COL25A1: variants seen among roughly 807,000 people sequenced by gnomAD.
COL25A1 encodes the protein collagen type XXV alpha 1 chain.
In COL25A1, 103 loss-of-function variants were observed where a neutral mutation model predicts 128.4. That is an observed-to-expected ratio of 0.80 (90% CI 0.68 to 0.94). The LOEUF (loss-of-function observed/expected upper bound fraction) is 0.94. COL25A1 is among the 40% of genes least tolerant of loss of function. The pLI, the probability that COL25A1 is intolerant of heterozygous loss-of-function variation, is 0.00. For missense variants in COL25A1, 745 were observed against 840.0 expected (o/e 0.89, Z 1.40); for synonymous variants, 279 against 277.2 (o/e 1.01, Z -0.06).
intron 3 of COL25A1, among the ~76,000 whole-genome samples, chr4:109,158,684 T>C (rs968384579): frequency 6.6e-6 from 1 of 152,226 alleles, no homozygotes; most frequent in African/African-American, 2.4e-5. Context: ...GCTATGTACA[T>C]GGTACTGTGC....
intron 3 of COL25A1, among the ~76,000 whole-genome samples, chr4:109,145,948 A>G (rs566429778): frequency 6.6e-6 from 1 of 152,238 alleles, no homozygotes; most frequent in South Asian, 2.1e-4. Flanking sequence ...TCCATGCTAC[A>G]GTAATATTAA....
At chr4:108,873,921 T>TA (rs5860953) in intron 19 of COL25A1, among the ~76,000 whole-genome samples, 34 of 150,948 alleles carry the variant, frequency 2.3e-4, no homozygotes, top group Middle Eastern at 6.8e-3. Context: ...AATGTAATCT[T>TA]AAAAAAAAAA....
chr4:109,146,751 T>G (rs934241934), intron 3 of COL25A1, among the ~76,000 whole-genome samples: 1 of 152,238 alleles, frequency 6.6e-6, no homozygotes, highest in Non-Finnish European at 1.5e-5. Context: ...TAAAGAGAAG[T>G]GTGTTTCCAC....
chr4:108,921,623 CAGA>C (rs1481956137), intron 11 of COL25A1, among the ~76,000 whole-genome samples: 4 of 152,262 alleles, frequency 2.6e-5, no homozygotes, highest in African/African-American at 4.8e-5. Flanking sequence ...GAGTGGTTGT[CAGA>C]AGAAGACCTG....
At chr4:108,918,889 T>C (rs1352817239) in intron 12 of COL25A1, among the ~76,000 whole-genome samples, 1 of 152,196 alleles carries the variant, frequency 6.6e-6, no homozygotes, top group East Asian at 1.9e-4. Context: ...GTATGAATGA[T>C]TGGACATAGA....
rs576511063 is a variant in COL25A1, at chr4:108,812,686, A to G, written c.*1241T>C. 1 of 152,374 alleles carries G rather than the reference A, an allele frequency of 6.6e-6. No individual in the cohort carries two copies. Among genetic ancestry groups the G allele is most frequent in the South Asian group, 2.1e-4 (1 of 4,830 alleles). 9.4% of individuals were successfully genotyped at this position (152,374 alleles called of 1,614,324 possible). ...AAAGAAAGAAAAAGAAAAAAGCATT[A>G]AAAAGAATGAAAAATACCTGTTTCT... On this transcript the variant is annotated 3_prime_UTR_variant, in exon 38 of 38. Coordinates refer to ENST00000399132, the MANE Select transcript of COL25A1 (RefSeq NM_198721.4).
Position 109,168,599 on chromosome 4 carries a change from G to T in COL25A1, c.368-118420C>A, listed in dbSNP as rs1055131505. Reference sequence around the variant, plus strand: ...TACTTTTCTAAACTCAAAATATACCGATGGAGTTCCAGTTCCCATTGACAT... The same window carrying T: ...TACTTTTCTAAACTCAAAATATACCTATGGAGTTCCAGTTCCCATTGACAT... On this transcript the variant is annotated intron_variant, in intron 3 of 37. Transcript: ENST00000399132. Among the ~76,000 whole-genome samples, 3 of 152,058 alleles carry T rather than the reference G, an allele frequency of 2.0e-5. No homozygotes were observed. In the East Asian group the frequency reaches 5.8e-4, roughly 29 times the overall value.
intron 3 of COL25A1, among the ~76,000 whole-genome samples, chr4:109,297,999 C>T (rs1192993726): frequency 1.3e-5 from 2 of 148,920 alleles, no homozygotes; most frequent in Non-Finnish European, 3.0e-5. Context: ...GGTCCAAAAC[C>T]TATACTTATT....
chr4:109,212,894 T>C (rs1175450646), intron 3 of COL25A1, among the ~76,000 whole-genome samples: 3 of 152,090 alleles, frequency 2.0e-5, no homozygotes. Flanking sequence ...CAGAAGACAG[T>C]AAGAGAGTAT....
chr4:109,076,357 C>T (rs1763372583), intron 3 of COL25A1, among the ~76,000 whole-genome samples: 1 of 152,138 alleles, frequency 6.6e-6, no homozygotes, highest in Non-Finnish European at 1.5e-5. Context: ...TTCTTTGTCC[C>T]ACTTTCAACT....
rs567886532 is a variant in COL25A1 at position 108,875,539 on chromosome 4, A to G, written c.1021-6389T>C. On this transcript the variant is annotated intron_variant, in intron 19 of 37. Coordinates refer to ENST00000399132, the MANE Select transcript of COL25A1 (RefSeq NM_198721.4). ...ACCATCTCATGCTAGTTAGAATGGC[A>G]ATCATTAAAAAGTCAGGAAACAGCA... Among the ~76,000 whole-genome samples, 24 of 152,294 alleles carry G rather than the reference A, an allele frequency of 1.6e-4. No homozygotes were observed. The South Asian group carries it at 4.6e-3, about 29-fold the overall frequency.
chr4:109,071,568 C>G (rs1279692918), intron 3 of COL25A1, among the ~76,000 whole-genome samples: 3 of 152,156 alleles, frequency 2.0e-5, no homozygotes, highest in African/African-American at 7.2e-5. Flanking sequence ...GGCTTATATT[C>G]AGAATCTACA....
At chr4:109,049,659 T>A (rs1760796763) in intron 4 of COL25A1, among the ~76,000 whole-genome samples, 1 of 152,164 alleles carries the variant, frequency 6.6e-6, no homozygotes, top group African/African-American at 2.4e-5. Context: ...TTGAAAACGG[T>A]AAGAGTAAAA....
intron 3 of COL25A1, among the ~76,000 whole-genome samples, chr4:109,075,527 AG>A (rs1763303061): frequency 6.6e-6 from 1 of 152,172 alleles, no homozygotes; most frequent in African/African-American, 2.4e-5. Flanking sequence ...GAAATATCAA[AG>A]TATATTAAAA....
At chr4:108,875,414 C>G (rs1272222934) in intron 19 of COL25A1, among the ~76,000 whole-genome samples, 1 of 152,156 alleles carries the variant, frequency 6.6e-6, no homozygotes, top group Non-Finnish European at 1.5e-5. Context: ...CATGAACAGA[C>G]ACTTCTCAAA....
At chr4:109,253,524 T>C (rs549578945) in intron 3 of COL25A1, among the ~76,000 whole-genome samples, 1 of 152,252 alleles carries the variant, frequency 6.6e-6, no homozygotes, top group East Asian at 1.9e-4. Context: ...TCTATGGAAT[T>C]AACTGTTTAT....
Position 108,845,231 on chromosome 4 carries a change from T to C in COL25A1, c.1536A>G (p.Gly512=), listed in dbSNP as rs1734947921. ...CCGGCATTCCAGAATCTCCTTTTTC[T>C]CCTTTCATTCCATTGGCTCCCTATA... ...PGLPGANGMK[G]EKGDSGMPGP... The change falls in exon 29 of 38, where the codon GGA becomes GGG. Residue 512 remains glycine, a synonymous_variant. Coordinates refer to ENST00000399132, the MANE Select transcript of COL25A1 (RefSeq NM_198721.4). The C allele has an allele frequency of 1.2e-6, 2 of 1,613,728 alleles. No homozygotes were observed. Among genetic ancestry groups the C allele is most frequent in the East Asian group, 4.5e-5 (2 of 44,886 alleles).
intron 3 of COL25A1, among the ~76,000 whole-genome samples, chr4:109,121,567 A>G (rs1386688070): frequency 6.6e-6 from 1 of 152,134 alleles, no homozygotes; most frequent in Admixed American, 6.6e-5. Context: ...TAAAACAACA[A>G]TAAGATATTA....
At chr4:108,955,840 A>T (rs546883079) in intron 8 of COL25A1, among the ~76,000 whole-genome samples, 40 of 152,328 alleles carry the variant, frequency 2.6e-4, no homozygotes, top group African/African-American at 8.9e-4. Flanking sequence ...ACAGAAAAAA[A>T]ATATAGTTGT....
Sources: gnomAD v4.1 joint callset for allele counts (sites outside exome capture counted in the v4.1 genomes callset) on GRCh38, gnomAD v4.1.1 for gene constraint, MANE v1.5 for transcripts, NCBI Gene and HGNC (gene_info 2026-07-23, HGNC 2026-07-21) for gene names.